Variants in CLMP observed in about 807,000 individuals in gnomAD.
CLMP encodes CXADR-like membrane protein.
A neutral mutation model predicts 45.2 loss-of-function variants in CLMP; 27 were observed. The observed-to-expected ratio is 0.60, with a 90% confidence interval of 0.44 to 0.82. CLMP has a LOEUF of 0.82. CLMP is among the 40% of genes least tolerant of loss of function. The probability of loss-of-function intolerance (pLI) is 0.00; values close to 1 mark genes in which losing one functional copy is unlikely to be tolerated. For synonymous variants in CLMP, 167 were observed against 171.4 expected (o/e 0.97, Z 0.20); for missense variants, 403 against 448.4 (o/e 0.90, Z 0.91).
chr11:123,164,546 G>T (rs1392236833), intron 1 of CLMP, among the ~76,000 whole-genome samples: 1 of 151,518 alleles, frequency 6.6e-6, no homozygotes, highest in African/African-American at 2.4e-5. Context: ...TCAGTTGATT[G>T]ACCCATCTCG....
chr11:123,111,927 AT>A (rs966359569), intron 1 of CLMP, among the ~76,000 whole-genome samples: 37 of 127,088 alleles, frequency 2.9e-4, no homozygotes, highest in African/African-American at 1.3e-3. Context: ...AGACTTATTT[AT>A]TTTTTTAGAG....
intron 1 of CLMP, among the ~76,000 whole-genome samples, chr11:123,118,246 C>T (rs1048204151): frequency 2.0e-5 from 3 of 152,142 alleles, no homozygotes; most frequent in African/African-American, 7.2e-5. Context: ...TCTCCTGTCT[C>T]AGCCTCCCAA....
intron 1 of CLMP, among the ~76,000 whole-genome samples, chr11:123,150,469 A>AAGAG (rs1411090597): frequency 1.8e-5 from 2 of 109,068 alleles, no homozygotes; most frequent in African/African-American, 3.4e-5. Flanking sequence ...GAAAGAAAGA[A>AAGAG]AGAAAGAAAG....
rs1312754180 is a variant in CLMP at position 123,105,404 on chromosome 11, C to CCT, written c.29-7454_29-7453dup. On this transcript the variant is annotated intron_variant, in intron 1 of 6. Coordinates refer to ENST00000448775, the MANE Select transcript of CLMP (RefSeq NM_024769.5). ...CCCTCCCTTCCTTCCTTCCTTCCTT[C>CCT]CTCTCTCTCTCTTTCTTTCTTCTTT... Among the ~76,000 whole-genome samples, 49 of 123,894 alleles carry CCT rather than the reference C, an allele frequency of 4.0e-4. No individual in the cohort carries two copies. The East Asian group carries it at 0.01, about 26-fold the overall frequency. The allele number at this position is 123,894 out of a possible 152,430, so 81.3% of individuals were successfully genotyped here. A position where few individuals can be genotyped will look rare whatever the true frequency, so the allele number is the denominator to read the frequency against.
intron 1 of CLMP, among the ~76,000 whole-genome samples, chr11:123,118,989 CT>C (rs1565387875): frequency 2.2e-5 from 1 of 45,018 alleles, no homozygotes; most frequent in Non-Finnish European, 4.0e-5. Context: ...TTCTTTCTTT[CT>C]TTCTTTCTTT....
At chr11:123,140,874 T>C (rs963018138) in intron 1 of CLMP, among the ~76,000 whole-genome samples, 6 of 152,234 alleles carry the variant, frequency 3.9e-5, no homozygotes, top group African/African-American at 1.4e-4. Context: ...TGGGAGATGT[T>C]TGGGTCTTGG....
chr11:123,189,013 A>T (rs1861868359), intron 1 of CLMP: 1 of 152,140 alleles, frequency 6.6e-6, no homozygotes, highest in African/African-American at 2.4e-5. Flanking sequence ...CATGCATCTG[A>T]CCCCAAAGCA....
At chr11:123,148,940 C>G (rs1271001113) in intron 1 of CLMP, among the ~76,000 whole-genome samples, 1 of 152,220 alleles carries the variant, frequency 6.6e-6, no homozygotes, top group East Asian at 1.9e-4. Context: ...AATGCTACCT[C>G]TACCGTGTCA....
At chr11:123,081,702 C>T (rs1374193558) in intron 5 of CLMP, among the ~76,000 whole-genome samples, 1 of 151,832 alleles carries the variant, frequency 6.6e-6, no homozygotes, top group Admixed American at 6.6e-5. Context: ...AAAACCCTGT[C>T]TCTACAAAAA....
intron 1 of CLMP, among the ~76,000 whole-genome samples, chr11:123,143,543 A>G (rs898080554): frequency 4.6e-5 from 7 of 152,122 alleles, no homozygotes; most frequent in African/African-American, 1.4e-4. Flanking sequence ...GAGACAGGGA[A>G]CAGTGGGTGG....
chr11:123,166,355 G>A (rs1861556115), intron 1 of CLMP, among the ~76,000 whole-genome samples: 1 of 152,224 alleles, frequency 6.6e-6, no homozygotes, highest in African/African-American at 2.4e-5. Flanking sequence ...CATGGGGGAA[G>A]CAGTCAGAAT....
intron 1 of CLMP, among the ~76,000 whole-genome samples, chr11:123,134,776 C>G (rs112075412): frequency 6.6e-6 from 1 of 151,190 alleles, no homozygotes. Context: ...CCACTGCACT[C>G]CAGCCCGGGC....
intron 1 of CLMP, among the ~76,000 whole-genome samples, chr11:123,137,378 C>T (rs975285336): frequency 1.3e-5 from 2 of 151,764 alleles, no homozygotes; most frequent in Non-Finnish European, 2.9e-5. Flanking sequence ...AAAATGGCAT[C>T]AAATTCAGAG....
intron 2 of CLMP, among the ~76,000 whole-genome samples, chr11:123,090,165 G>A (rs1865914035): frequency 6.6e-6 from 1 of 151,878 alleles, no homozygotes; most frequent in Non-Finnish European, 1.5e-5. Context: ...AAAACGCTAG[G>A]CTGGGCATGG....
At chr11:123,116,402 A>G (rs1028990402) in intron 1 of CLMP, among the ~76,000 whole-genome samples, 1 of 151,948 alleles carries the variant, frequency 6.6e-6, no homozygotes, top group Admixed American at 6.6e-5. Flanking sequence ...CCCTGTGTAT[A>G]CTAAAAGTAC....
At chr11:123,116,686 A>T (rs189625501) in intron 1 of CLMP, among the ~76,000 whole-genome samples, 3,680 of 152,282 alleles carry the variant, frequency 0.024, 157 homozygotes, top group African/African-American at 0.083. Flanking sequence ...AATTCACTAG[A>T]TTTTTGGCAA....
chr11:123,152,560 A>AAATAAAT (rs1555084874), intron 1 of CLMP, among the ~76,000 whole-genome samples: 18 of 147,458 alleles, frequency 1.2e-4, no homozygotes, highest in African/African-American at 4.7e-4. Flanking sequence ...ATAAATAAAT[A>AAATAAAT]AATAAAAAAT....
chr11:123,192,220 C>T (rs964465607), intron 1 of CLMP, among the ~76,000 whole-genome samples: 2 of 152,150 alleles, frequency 1.3e-5, no homozygotes, highest in African/African-American at 2.4e-5. Flanking sequence ...CTGTGAATGA[C>T]ATTATGTAAA....
intron 1 of CLMP, among the ~76,000 whole-genome samples, chr11:123,154,729 C>T (rs564402572): frequency 1.8e-4 from 27 of 152,168 alleles, no homozygotes; most frequent in African/African-American, 6.5e-4. Context: ...TTTTCTGGGT[C>T]CCTAAAATAA....
Sources: allele counts gnomAD v4.1 joint callset (sites outside exome capture counted in the v4.1 genomes callset), GRCh38; gene constraint gnomAD v4.1.1; transcripts MANE v1.5; gene names NCBI Gene and HGNC (gene_info 2026-07-23, HGNC 2026-07-21).